Variants in MYO1E observed in about 807,000 individuals in gnomAD.
MYO1E encodes unconventional myosin-Ie.
In MYO1E, 68 loss-of-function variants were observed where a neutral mutation model predicts 151.1. The ratio of observed to expected loss-of-function variants is 0.45; its 90% CI spans 0.37 to 0.55. The LOEUF (loss-of-function observed/expected upper bound fraction) is 0.55, where lower values mean the gene tolerates loss of function less well. Among genes scored for constraint, MYO1E ranks in the 20% least tolerant of loss-of-function variants. The pLI is 0.00. For missense variants in MYO1E, 1,363 were observed against 1,389.3 expected, an observed-to-expected ratio of 0.98 and a Z score of 0.30; for synonymous variants, 601 against 501.7, an observed-to-expected ratio of 1.20 and a Z score of -2.64.
chr15:59,152,099 C>A (rs1468274803), intron 26 of MYO1E, among the ~76,000 whole-genome samples: 2 of 151,342 alleles, frequency 1.3e-5, no homozygotes, highest in East Asian at 3.9e-4. Flanking sequence ...TGTGGTGGTG[C>A]GTGCCTGTAA....
chr15:59,322,551 A>G (rs777099484), intron 1 of MYO1E, among the ~76,000 whole-genome samples: 2 of 152,200 alleles, frequency 1.3e-5, no homozygotes, highest in Non-Finnish European at 2.9e-5. Context: ...GTGTTTTTCA[A>G]GTTCAAAGTG....
intron 1 of MYO1E, among the ~76,000 whole-genome samples, chr15:59,338,260 CTATA>C (rs1455542463): frequency 1.4e-5 from 2 of 145,864 alleles, no homozygotes; most frequent in East Asian, 2.0e-4. Flanking sequence ...TTTATAATAG[CTATA>C]TAAACTAGAT....
intron 15 of MYO1E, 35 bp from the exon 16 acceptor site, chr15:59,202,442 GT>G: frequency 1.9e-6 from 3 of 1,579,488 alleles, no homozygotes; most frequent in Non-Finnish European, 1.7e-6. Context: ...TTAACAATCT[GT>G]AAGTACCTCT....
intron 26 of MYO1E, among the ~76,000 whole-genome samples, chr15:59,144,879 T>G (rs1240850425): frequency 6.6e-6 from 1 of 152,170 alleles, no homozygotes; most frequent in African/African-American, 2.4e-5. Context: ...GTTTCACTCT[T>G]GTTGCCCAGG....
chr15:59,317,443 A>G (rs1302822025), intron 1 of MYO1E, among the ~76,000 whole-genome samples: 4 of 152,148 alleles, frequency 2.6e-5, no homozygotes, highest in Non-Finnish European at 5.9e-5. Flanking sequence ...CACAATCACT[A>G]AGGGCAACGC....
intron 6 of MYO1E, 104 bp downstream of exon 6, chr15:59,231,595 CTGA>C: frequency 8.3e-7 from 1 of 1,209,402 alleles, no homozygotes; most frequent in Non-Finnish European, 1.2e-6. Flanking sequence ...AGGTGGCCTC[CTGA>C]TGATATGTGA....
Position 59,137,351 on chromosome 15 carries a change from C to G in MYO1E, c.*29G>C. ...CCCCTGGTCTGTGCCTGGAGCTCCT[C>G]TGCCCCATGTGTCAGAGTCACGGGC... On this transcript the variant is annotated 3_prime_UTR_variant, in exon 28 of 28. Transcript: ENST00000288235. 6.2e-7 allele frequency: 1 copy of G among 1,604,684 alleles called. No homozygotes were observed. Among genetic ancestry groups the G allele is most frequent in the Non-Finnish European group, 8.5e-7 (1 of 1,171,390 alleles).
intron 13 of MYO1E, 99 bp downstream of exon 13, chr15:59,210,415 G>T: frequency 2.3e-6 from 2 of 859,594 alleles, no homozygotes; most frequent in Non-Finnish European, 4.0e-6. Context: ...GCAAATCAGA[G>T]TTGTCACTTT....
intron 22 of MYO1E, chr15:59,171,344 G>GTC: frequency 2.4e-5 from 4 of 164,646 alleles, no homozygotes; most frequent in Non-Finnish European, 5.4e-5. Flanking sequence ...GAGGAGCAAG[G>GTC]GCCCTTCCTG....
At chr15:59,240,774 T>A (rs895408722) in intron 4 of MYO1E, among the ~76,000 whole-genome samples, 1 of 152,184 alleles carries the variant, frequency 6.6e-6, no homozygotes, top group Non-Finnish European at 1.5e-5. Flanking sequence ...GTAATTGAAA[T>A]ATCACTTTTC....
At chr15:59,163,840 G>T (rs2079550637) in intron 22 of MYO1E, among the ~76,000 whole-genome samples, 1 of 152,208 alleles carries the variant, frequency 6.6e-6, no homozygotes, top group African/African-American at 2.4e-5. Flanking sequence ...GTGCTCTGTG[G>T]ACACTGTAGG....
At position 59,136,543 on chromosome 15, in the gene MYO1E, C is replaced by T. The variant is rs2079374081; in HGVS notation, c.*837G>A. On this transcript the variant is annotated 3_prime_UTR_variant, in exon 28 of 28. Transcript: ENST00000288235. Reference sequence around the variant, plus strand: ...GTGTGAGTTTTGTAAGAAAACCTACCTTATGAATGAGTACAGTGGAATACT... The same window carrying T: ...GTGTGAGTTTTGTAAGAAAACCTACTTTATGAATGAGTACAGTGGAATACT... 1 of 324,260 alleles carries T rather than the reference C, an allele frequency of 3.1e-6. No homozygotes were observed. Among genetic ancestry groups the T allele is most frequent in the African/African-American group, 2.2e-5 (1 of 46,400 alleles). The allele number at this position is 324,260 out of a possible 1,614,324, so 20.1% of individuals were successfully genotyped here. A position where few individuals can be genotyped will look rare whatever the true frequency, so the allele number is the denominator to read the frequency against.
At chr15:59,153,204 T>G (rs550338302) in intron 26 of MYO1E, among the ~76,000 whole-genome samples, 1 of 152,250 alleles carries the variant, frequency 6.6e-6, no homozygotes, top group South Asian at 2.1e-4. Flanking sequence ...TTATGCTTAA[T>G]GTTGCTGAAG....
chr15:59,312,858 A>AAATAATAATAAT (rs35710505), intron 1 of MYO1E, among the ~76,000 whole-genome samples: 8 of 150,540 alleles, frequency 5.3e-5, no homozygotes, highest in East Asian at 2.0e-4. Context: ...ACTCTACTAA[A>AAATAATAATAAT]AATAATAATA....
Position 59,372,854 on chromosome 15 carries a change from C to G in MYO1E, c.-354G>C. 2.7e-6 allele frequency: 1 copy of G among 376,968 alleles called. No individual in the cohort carries two copies. Among genetic ancestry groups the G allele is most frequent in the Admixed American group, 4.3e-5 (1 of 23,038 alleles). The allele number at this position is 376,968 out of a possible 1,614,324, so 23.4% of individuals were successfully genotyped here. On this transcript the variant is annotated 5_prime_UTR_variant, in exon 1 of 28. Coordinates refer to ENST00000288235, the MANE Select transcript of MYO1E (RefSeq NM_004998.4). Reference sequence around the variant, plus strand: ...TCTTTCTTCGGCCACTTAATCCGTACTCCTCTGGCTGAGTCTCGGCTCGGG... The same window carrying G: ...TCTTTCTTCGGCCACTTAATCCGTAGTCCTCTGGCTGAGTCTCGGCTCGGG...
chr15:59,218,124 A>G, intron 9 of MYO1E, 37 bp from the exon 10 acceptor site: 1 of 1,606,798 alleles, frequency 6.2e-7, no homozygotes, highest in Non-Finnish European at 8.5e-7. Flanking sequence ...AATCTTTCAG[A>G]ATTGTGACAC....
chr15:59,281,516 T>A (rs2080353179), intron 1 of MYO1E, among the ~76,000 whole-genome samples: 1 of 152,122 alleles, frequency 6.6e-6, no homozygotes, highest in African/African-American at 2.4e-5. Context: ...CCTCAGGTGA[T>A]CTGCCCGCCT....
At chr15:59,363,925 C>G (rs1397988624) in intron 1 of MYO1E, among the ~76,000 whole-genome samples, 1 of 152,106 alleles carries the variant, frequency 6.6e-6, no homozygotes, top group Non-Finnish European at 1.5e-5. Flanking sequence ...CAGGTGCCCG[C>G]CACCCCACCC....
intron 18 of MYO1E, among the ~76,000 whole-genome samples, chr15:59,182,982 G>T (rs759502875): frequency 1.3e-5 from 2 of 152,206 alleles, no homozygotes; most frequent in Non-Finnish European, 2.9e-5. Flanking sequence ...CGCACGTGCA[G>T]TTCACAATAG....
Sources: allele counts gnomAD v4.1 joint callset (sites outside exome capture counted in the v4.1 genomes callset), GRCh38; gene constraint gnomAD v4.1.1; transcripts MANE v1.5; gene names NCBI Gene and HGNC (gene_info 2026-07-23, HGNC 2026-07-21).